The following MORC3 variants were observed in gnomAD, a reference collection of about 807,000 sequenced individuals.
The protein encoded by MORC3 is MORC family CW-type zinc finger 3.
In MORC3, 31 loss-of-function variants were observed where a neutral mutation model predicts 109.1. The observed-to-expected ratio is 0.28, with a 90% confidence interval of 0.21 to 0.38. MORC3 has a LOEUF of 0.38. Ranked by LOEUF, MORC3 falls within the 10% of genes least tolerant of loss-of-function variation. The pLI, the probability that MORC3 is intolerant of heterozygous loss-of-function variation, is 1.00. For missense variants in MORC3, 867 were observed against 1,135.8 expected, an observed-to-expected ratio of 0.76 and a Z score of 3.40; for synonymous variants, 395 against 380.7, an observed-to-expected ratio of 1.04 and a Z score of -0.44.
At chr21:36,335,236 A>G (rs2085362668) in intron 2 of MORC3, among the ~76,000 whole-genome samples, 3 of 152,150 alleles carry the variant, frequency 2.0e-5, no homozygotes, top group Non-Finnish European at 4.4e-5. Context: ...ATTCTTAGGA[A>G]TTCTTAGATA....
intron 16 of MORC3, among the ~76,000 whole-genome samples, chr21:36,374,241 C>T (rs1264004167): frequency 6.6e-6 from 1 of 152,064 alleles, no homozygotes; most frequent in Non-Finnish European, 1.5e-5. Context: ...AGGTGTGCGC[C>T]ACCACGCCCA....
intron 6 of MORC3, among the ~76,000 whole-genome samples, chr21:36,344,081 A>G (rs2085481682): frequency 6.6e-6 from 1 of 152,030 alleles, no homozygotes; most frequent in Non-Finnish European, 1.5e-5. Context: ...TTTTGAAATC[A>G]AGAGTCAGGA....
At chr21:36,342,720 T>G (rs1237086002) in intron 6 of MORC3, among the ~76,000 whole-genome samples, 1 of 151,804 alleles carries the variant, frequency 6.6e-6, no homozygotes, top group African/African-American at 2.4e-5. Context: ...AGTATCTGTT[T>G]AAGATTAAAA....
intron 1 of MORC3, among the ~76,000 whole-genome samples, chr21:36,330,833 G>A (rs2085306739): frequency 6.6e-6 from 1 of 152,190 alleles, no homozygotes; most frequent in Non-Finnish European, 1.5e-5. Flanking sequence ...AAGACTTCTT[G>A]TGCAAGATGA....
intron 15 of MORC3, among the ~76,000 whole-genome samples, chr21:36,372,146 T>A (rs2085876757): frequency 2.0e-5 from 3 of 152,002 alleles, no homozygotes; most frequent in South Asian, 4.1e-4. Flanking sequence ...CTTTTTTTTT[T>A]AAATCAAGTG....
chr21:36,369,446 G>A lies in MORC3; in HGVS notation c.2078G>A (p.Gly693Asp), dbSNP rs571479967. 24 of 1,614,150 alleles carry A rather than the reference G, an allele frequency of 1.5e-5. No individual in the cohort carries two copies. The East Asian group carries it at 1.6e-4, about 10-fold the overall frequency. Residue 693 changes from glycine (G) to aspartate (D), a missense_variant, in exon 15 of 17, where the codon GGC (glycine) becomes GAC (aspartate). This residue lies in a region of MORC3 where 486 missense variants were observed against 502.1 expected (regional missense o/e 0.97). Transcript: ENST00000400485. ...ETTDKSADDA[G>D]CQLQELRNQL... ...ACCGATAAATCTGCAGATGATGCAG[G>A]CTGCCAATTACAAGAACTGAGAAAC...
chr21:36,330,288 G>A (rs985622147), intron 1 of MORC3, among the ~76,000 whole-genome samples: 4 of 151,950 alleles, frequency 2.6e-5, no homozygotes, highest in Non-Finnish European at 5.9e-5. Context: ...TCTTATGCCT[G>A]CTAGCTAAGA....
intron 2 of MORC3, 71 bp downstream of exon 2, chr21:36,333,789 G>GTTTT: frequency 1.1e-6 from 1 of 936,714 alleles, no homozygotes. Context: ...GTTTTGTTTT[G>GTTTT]TTTTTTTTTT....
intron 2 of MORC3, 129 bp downstream of exon 2, chr21:36,333,847 G>A (rs149379275): frequency 0.018 from 13,044 of 709,906 alleles, 180 homozygotes; most frequent in Admixed American, 0.04. Flanking sequence ...CAGTGGCGCA[G>A]TCTCGGCTCA....
chr21:36,336,407 G>T (rs943459381), intron 2 of MORC3, among the ~76,000 whole-genome samples: 1 of 149,696 alleles, frequency 6.7e-6, no homozygotes, highest in South Asian at 2.1e-4. Flanking sequence ...CATGCCTGGC[G>T]GATTTTTGTA....
chr21:36,365,805 C>T (rs2085774527), intron 14 of MORC3, among the ~76,000 whole-genome samples: 1 of 152,128 alleles, frequency 6.6e-6, no homozygotes, highest in South Asian at 2.1e-4. Flanking sequence ...TAGTCTCGAA[C>T]TCCTGACCTC....
At chr21:36,347,429 T>C (rs1293217511) in intron 8 of MORC3, among the ~76,000 whole-genome samples, 4 of 152,254 alleles carry the variant, frequency 2.6e-5, no homozygotes, top group Admixed American at 6.5e-5. Context: ...GTTAAATTTG[T>C]ACTGTACATA....
chr21:36,354,323 C>CTTTCTTTCT (rs1555908408), intron 9 of MORC3, among the ~76,000 whole-genome samples: 2 of 113,654 alleles, frequency 1.8e-5, no homozygotes, highest in African/African-American at 6.9e-5. Flanking sequence ...TTCTTTCTTT[C>CTTTCTTTCT]TTTTTTTTTT....
intron 15 of MORC3, among the ~76,000 whole-genome samples, chr21:36,371,114 T>C (rs2409790): frequency 0.73 from 111,508 of 152,054 alleles, 41,946 homozygotes; most frequent in East Asian, 1. Context: ...TATCAGTAGC[T>C]TCTTCATATG....
chr21:36,341,652 T>C, intron 6 of MORC3, 106 bp downstream of exon 6: 1 of 1,443,130 alleles, frequency 6.9e-7, no homozygotes, highest in South Asian at 1.3e-5. Context: ...CAGTGCTCTC[T>C]AAATGAAAGT....
At chr21:36,321,887 G>A (rs1203733423) in intron 1 of MORC3, among the ~76,000 whole-genome samples, 1 of 152,198 alleles carries the variant, frequency 6.6e-6, no homozygotes, top group East Asian at 1.9e-4. Context: ...ATTGAGGGGA[G>A]AAAGGAAGCA....
At chr21:36,337,538 T>TA (rs2085387814) in intron 3 of MORC3, among the ~76,000 whole-genome samples, 194 bp from the exon 4 acceptor site, 1 of 151,886 alleles carries the variant, frequency 6.6e-6, no homozygotes, top group African/African-American at 2.4e-5. Context: ...GCCCGATACA[T>TA]AAAAAATCAA....
chr21:36,363,571 A>G (rs1307391151), intron 13 of MORC3, among the ~76,000 whole-genome samples: 2 of 152,242 alleles, frequency 1.3e-5, no homozygotes, highest in African/African-American at 4.8e-5. Flanking sequence ...TTTATCATAA[A>G]GTGTTGAGTA....
intron 16 of MORC3, 124 bp from the exon 17 acceptor site, chr21:36,375,019 C>T (rs2085914389): frequency 2.9e-6 from 3 of 1,038,832 alleles, no homozygotes; most frequent in African/African-American, 1.7e-5. Context: ...GGAGGTTTTG[C>T]TTTTCCTTTT....
Sources: gnomAD v4.1 joint callset for allele counts (sites outside exome capture counted in the v4.1 genomes callset) on GRCh38, gnomAD v4.1.1 for gene constraint, gnomAD v4.1.1 regional missense constraint, MANE v1.5 for transcripts, NCBI Gene and HGNC (gene_info 2026-07-23, HGNC 2026-07-21) for gene names.